KDM5B: variants seen among roughly 807,000 people sequenced by gnomAD.
KDM5B encodes the protein lysine-specific demethylase 5B.
KDM5B carries 144 observed loss-of-function variants against 193.4 expected under a neutral mutation model. That is an observed-to-expected ratio of 0.74 (90% CI 0.65 to 0.86). The LOEUF is 0.86. Ranked by LOEUF, KDM5B falls within the 40% of genes least tolerant of loss-of-function variation. The probability of loss-of-function intolerance (pLI) is 0.00; values close to 1 mark genes in which losing one functional copy is unlikely to be tolerated. For synonymous variants in KDM5B, 668 were observed against 682.6 expected, an observed-to-expected ratio of 0.98 and a Z score of 0.33; for missense variants, 1,833 against 1,886.9, an observed-to-expected ratio of 0.97 and a Z score of 0.53.
chr1:202,763,707 C>T (rs1011023818), intron 6 of KDM5B, among the ~76,000 whole-genome samples: 13 of 152,180 alleles, frequency 8.5e-5, no homozygotes, highest in African/African-American at 2.7e-4. Flanking sequence ...ATCAGACATT[C>T]GGTCAAAGGC....
At chr1:202,766,823 T>C in intron 5 of KDM5B, 103 bp downstream of exon 5, 1 of 1,318,980 alleles carries the variant, frequency 7.6e-7, no homozygotes, top group Non-Finnish European at 1.0e-6. Context: ...TTAACAAGGT[T>C]CAAAACTACA....
Position 202,750,735 on chromosome 1 carries a change from A to T in KDM5B, c.1745T>A (p.Phe582Tyr), listed in dbSNP as rs1429257937. 6.2e-7 allele frequency: 1 copy of T among 1,614,068 alleles called. No individual in the cohort carries two copies. Among genetic ancestry groups the T allele is most frequent in the Non-Finnish European group, 8.5e-7 (1 of 1,179,920 alleles). Reference sequence around the variant, plus strand: ...AAAACCACTGTGGTAGGCTCTTGGAAATGTAATCACAAACTCCCCAGCACA... The same window carrying T: ...AAAACCACTGTGGTAGGCTCTTGGATATGTAATCACAAACTCCCCAGCACA... ...NQCAGEFVIT[F>Y]PRAYHSGFNQ... is the part of the protein sequence containing the mutation. The change falls in exon 13 of 27, where the codon TTT becomes TAT. Residue 582 changes from phenylalanine to tyrosine, a missense_variant. Around this residue, in one of 3 missense-constraint regions of KDM5B, gnomAD observed 1,379 missense variants for 1,349.6 expected, o/e 1.02. Coordinates refer to ENST00000367265, the MANE Select transcript of KDM5B (RefSeq NM_006618.5).
intron 11 of KDM5B, among the ~76,000 whole-genome samples, chr1:202,753,825 A>AT (rs1655900169): frequency 6.6e-6 from 1 of 151,956 alleles, no homozygotes; most frequent in African/African-American, 2.4e-5. Flanking sequence ...GTGCACCACC[A>AT]TGCCCAGCTA....
intron 1 of KDM5B, among the ~76,000 whole-genome samples, chr1:202,783,806 G>A (rs936494052): frequency 1.3e-5 from 2 of 152,110 alleles, no homozygotes; most frequent in African/African-American, 2.4e-5. Context: ...GTGTGAACCC[G>A]GGAGGCGGAG....
chr1:202,740,099 T>C (rs1466051658), intron 20 of KDM5B, among the ~76,000 whole-genome samples: 2 of 101,598 alleles, frequency 2.0e-5, no homozygotes. Context: ...TGGCCGGGCA[T>C]GGGGCTGACC....
chr1:202,730,373 T>C (rs1335362789), intron 25 of KDM5B, among the ~76,000 whole-genome samples: 2 of 152,200 alleles, frequency 1.3e-5, no homozygotes, highest in African/African-American at 4.8e-5. Context: ...ACTACTATAA[T>C]AGTTTCTGTC....
chr1:202,746,018 T>G (rs763814268), intron 15 of KDM5B, 36 bp from the exon 16 acceptor site: 12 of 1,612,754 alleles, frequency 7.4e-6, no homozygotes, highest in Non-Finnish European at 9.3e-6. Context: ...CTTTGAGACG[T>G]GTAGCTTTGG....
intron 7 of KDM5B, among the ~76,000 whole-genome samples, chr1:202,761,296 T>G (rs1424011939): frequency 6.6e-6 from 1 of 151,684 alleles, no homozygotes; most frequent in African/African-American, 2.4e-5. Flanking sequence ...AAAAGAAAAA[T>G]TAGCCGGGCA....
At chr1:202,801,056 C>T (rs1039586326) in intron 1 of KDM5B, among the ~76,000 whole-genome samples, 28 of 152,186 alleles carry the variant, frequency 1.8e-4, no homozygotes, top group African/African-American at 5.3e-4. Context: ...CTGTTCTTTA[C>T]AAATGAAGAT....
chr1:202,764,261 T>A, intron 5 of KDM5B, 116 bp from the exon 6 acceptor site: 1 of 551,806 alleles, frequency 1.8e-6, no homozygotes, highest in Non-Finnish European at 3.1e-6. Flanking sequence ...AACAGGGCAT[T>A]CAAAACATAC....
chr1:202,770,094 T>C (rs1030810625), intron 4 of KDM5B, among the ~76,000 whole-genome samples: 3 of 152,214 alleles, frequency 2.0e-5, no homozygotes, highest in African/African-American at 7.2e-5. Context: ...TCATGCCCTG[T>C]AGTTTTTTAG....
At chr1:202,738,885 C>A (rs1292434434) in intron 20 of KDM5B, among the ~76,000 whole-genome samples, 1 of 152,092 alleles carries the variant, frequency 6.6e-6, no homozygotes, top group Non-Finnish European at 1.5e-5. Flanking sequence ...TTTTTTTAAA[C>A]TTATATACAG....
At chr1:202,777,351 T>TAAAAA (rs147335949) in intron 1 of KDM5B, among the ~76,000 whole-genome samples, 2 of 128,678 alleles carry the variant, frequency 1.6e-5, no homozygotes, top group African/African-American at 6.3e-5. Flanking sequence ...ATTGAGCCTG[T>TAAAAA]AAAAAAAAAA....
chr1:202,733,291 A>G (rs1654960410), intron 23 of KDM5B, 110 bp downstream of exon 23: 2 of 1,243,458 alleles, frequency 1.6e-6, no homozygotes, highest in South Asian at 3.0e-5. Context: ...GGTGCTGTTA[A>G]CAGTAAAGTG....
At chr1:202,729,605 A>G (rs888243897) in intron 26 of KDM5B, 102 bp downstream of exon 26, 140 of 968,208 alleles carry the variant, frequency 1.4e-4, no homozygotes, top group Non-Finnish European at 2.0e-4. Flanking sequence ...GATCAGCTCA[A>G]AGCAGATAAG....
chr1:202,756,095 G>C (rs532054376), intron 10 of KDM5B, among the ~76,000 whole-genome samples: 5 of 151,986 alleles, frequency 3.3e-5, no homozygotes, highest in Non-Finnish European at 5.9e-5. Flanking sequence ...AATAGACCTG[G>C]TCTCAGGCCT....
At chr1:202,802,516 C>T (rs1374332808) in intron 1 of KDM5B, among the ~76,000 whole-genome samples, 1 of 152,078 alleles carries the variant, frequency 6.6e-6, no homozygotes, top group Non-Finnish European at 1.5e-5. Context: ...CCTCAGCCTC[C>T]CGAGTAGCTG....
At chr1:202,758,667 G>A (rs1178568262) in intron 8 of KDM5B, among the ~76,000 whole-genome samples, 157 bp from the exon 9 acceptor site, 2 of 152,106 alleles carry the variant, frequency 1.3e-5, no homozygotes, top group South Asian at 2.1e-4. Flanking sequence ...GAAAAATGTG[G>A]TTATTTTAAT....
chr1:202,763,184 A>C (rs1175587584), intron 6 of KDM5B, among the ~76,000 whole-genome samples: 1 of 152,194 alleles, frequency 6.6e-6, no homozygotes, highest in Non-Finnish European at 1.5e-5. Context: ...ATAACACATT[A>C]TCTCTCCATG....
Sources: allele counts gnomAD v4.1 joint callset (sites outside exome capture counted in the v4.1 genomes callset), GRCh38; gene constraint gnomAD v4.1.1; regional missense constraint gnomAD v4.1.1; transcripts MANE v1.5; gene names NCBI Gene and HGNC (gene_info 2026-07-23, HGNC 2026-07-21).